NCOA1: variants seen among roughly 807,000 people sequenced by gnomAD.
The protein encoded by NCOA1 is nuclear receptor coactivator 1.
NCOA1 carries 35 observed loss-of-function variants against 150.9 expected under a neutral mutation model. That is an observed-to-expected ratio of 0.23 (90% confidence interval 0.18 to 0.31). The LOEUF (loss-of-function observed/expected upper bound fraction) is 0.31. Among genes scored for constraint, NCOA1 ranks in the 10% least tolerant of loss-of-function variants. NCOA1 has a pLI of 1.00. For synonymous variants in NCOA1, 590 were observed against 630.0 expected (o/e 0.94, Z 0.95); for missense variants, 1,491 against 1,749.3 (o/e 0.85, Z 2.63).
chr2:24,690,775 T>C (rs1300700268), intron 8 of NCOA1, among the ~76,000 whole-genome samples: 1 of 151,984 alleles, frequency 6.6e-6, no homozygotes, highest in Non-Finnish European at 1.5e-5. Flanking sequence ...GGTTTTTACT[T>C]GAAATAGATA....
At chr2:24,708,027 A>G (rs1673544267) in intron 13 of NCOA1, 139 bp downstream of exon 13, 1 of 1,080,646 alleles carries the variant, frequency 9.3e-7, no homozygotes, top group African/African-American at 1.6e-5. Flanking sequence ...GGTTAGTATC[A>G]ATAACTGATC....
intron 1 of NCOA1, among the ~76,000 whole-genome samples, chr2:24,515,928 C>T (rs139051763): frequency 6.6e-6 from 1 of 152,210 alleles, no homozygotes; most frequent in African/African-American, 2.4e-5. Context: ...AACAGAAGCC[C>T]TCAGTGAAGC....
chr2:24,577,215 C>T (rs1667025159), intron 2 of NCOA1, among the ~76,000 whole-genome samples: 1 of 146,240 alleles, frequency 6.8e-6, no homozygotes, highest in Non-Finnish European at 1.5e-5. Flanking sequence ...TCTTGCTTTT[C>T]TCTACTCAAA....
chr2:24,745,574 G>A (rs189513530), intron 19 of NCOA1, among the ~76,000 whole-genome samples: 492 of 152,268 alleles, frequency 3.2e-3, no homozygotes, highest in Middle Eastern at 6.8e-3. Flanking sequence ...CTTCTTTTCT[G>A]TGAACTACAA....
chr2:24,736,128 A>G (rs1287287003), intron 17 of NCOA1, among the ~76,000 whole-genome samples: 1 of 151,774 alleles, frequency 6.6e-6, no homozygotes, highest in African/African-American at 2.4e-5. Context: ...GGCTGAGACA[A>G]GAGAATCGCT....
chr2:24,662,208 A>G (rs369622991), intron 5 of NCOA1, among the ~76,000 whole-genome samples: 25 of 152,238 alleles, frequency 1.6e-4, no homozygotes, highest in East Asian at 5.8e-4. Flanking sequence ...AGCATTGTGC[A>G]CAGATCCTTG....
chr2:24,737,738 C>T (rs1663395546), intron 17 of NCOA1, among the ~76,000 whole-genome samples: 1 of 152,152 alleles, frequency 6.6e-6, no homozygotes, highest in African/African-American at 2.4e-5. Flanking sequence ...TAGATGTGTC[C>T]GTCTATGCAG....
Position 24,742,510 on chromosome 2 carries a change from G to A in NCOA1, c.3706+324G>A, listed in dbSNP as rs1482381963. On this transcript the variant is annotated intron_variant, in intron 19 of 22. Coordinates refer to ENST00000348332, the MANE Select transcript of NCOA1 (RefSeq NM_003743.5). ...TCGCTCTGTTGTCCAGGCTGGGAGTGCAATGGTGCAATCTCAGCTCACTGC... is the reference window on the plus strand; with the variant it reads ...TCGCTCTGTTGTCCAGGCTGGGAGTACAATGGTGCAATCTCAGCTCACTGC... Among the ~76,000 whole-genome samples, 3 of 151,736 alleles carry A rather than the reference G, an allele frequency of 2.0e-5. No individual in the cohort carries two copies. The East Asian group carries it at 5.8e-4, about 29-fold the overall frequency.
At chr2:24,656,690 G>A (rs1296151552) in intron 4 of NCOA1, among the ~76,000 whole-genome samples, 2 of 152,092 alleles carry the variant, frequency 1.3e-5, no homozygotes, top group Admixed American at 6.6e-5. Context: ...AACTTCTTTA[G>A]TTTACACATG....
intron 1 of NCOA1, among the ~76,000 whole-genome samples, chr2:24,518,816 A>G (rs1175016211): frequency 6.6e-6 from 1 of 152,186 alleles, no homozygotes; most frequent in Non-Finnish European, 1.5e-5. Flanking sequence ...TTCCCGAGAG[A>G]AATTAAGATA....
chr2:24,539,132 T>TCC (rs1273511237), intron 1 of NCOA1, among the ~76,000 whole-genome samples: 78 of 144,044 alleles, frequency 5.4e-4, no homozygotes, highest in Non-Finnish European at 5.3e-4. Context: ...GGTGAGTTTT[T>TCC]TCCCCCCCAT....
At chr2:24,617,890 C>T (rs751919877) in intron 3 of NCOA1, among the ~76,000 whole-genome samples, 11 of 151,500 alleles carry the variant, frequency 7.3e-5, no homozygotes, top group Non-Finnish European at 1.0e-4. Context: ...CACGCACACA[C>T]GCAGAAATAT....
In NCOA1 at chr2:24,707,221, A is replaced by T. The variant is rs1477768913; in HGVS notation, c.1751A>T (p.Asp584Val). ...NIQPAKAESK[D>V]NKEIASILNE... Reference sequence around the variant, plus strand: ...CAACCAGCAAAAGCTGAGTCCAAAGATAACAAAGAGATTGCCTCAATTTTA... The same window carrying T: ...CAACCAGCAAAAGCTGAGTCCAAAGTTAACAAAGAGATTGCCTCAATTTTA... The change falls in exon 13 of 23, where the codon GAT becomes GTT. Residue 584 changes from aspartate to valine, a missense_variant. By Grantham distance (152) the Asp-to-Val change is radical. Coordinates refer to ENST00000348332, the MANE Select transcript of NCOA1 (RefSeq NM_003743.5). The T allele has an allele frequency of 1.2e-6, 2 of 1,614,218 alleles. No individual in the cohort carries two copies. The highest frequency in any genetic ancestry group is 2.2e-5 in the East Asian group (1 of 44,896).
At chr2:24,561,732 C>T (rs574045960) in intron 1 of NCOA1, among the ~76,000 whole-genome samples, 8 of 152,002 alleles carry the variant, frequency 5.3e-5, no homozygotes, top group Non-Finnish European at 1.2e-4. Flanking sequence ...CATGAAATCA[C>T]CAGGAATACC....
At chr2:24,587,690 C>G (rs1667474663) in intron 3 of NCOA1, among the ~76,000 whole-genome samples, 1 of 152,124 alleles carries the variant, frequency 6.6e-6, no homozygotes, top group Non-Finnish European at 1.5e-5. Context: ...GTCTCTACTT[C>G]TACACTTTAT....
chr2:24,620,619 C>T (rs2148406318), intron 3 of NCOA1, among the ~76,000 whole-genome samples: 1 of 152,108 alleles, frequency 6.6e-6, no homozygotes, highest in East Asian at 1.9e-4. Flanking sequence ...AAAAACAAAA[C>T]AAAACTATTC....
chr2:24,594,029 T>A (rs1328446462), intron 3 of NCOA1, among the ~76,000 whole-genome samples: 1 of 152,146 alleles, frequency 6.6e-6, no homozygotes, highest in African/African-American at 2.4e-5. Flanking sequence ...AAGATCCTGA[T>A]ATTTGCCTCA....
intron 1 of NCOA1, among the ~76,000 whole-genome samples, chr2:24,545,278 C>T (rs1200239609): frequency 6.6e-6 from 1 of 152,040 alleles, no homozygotes; most frequent in Non-Finnish European, 1.5e-5. Flanking sequence ...AGAAAATATG[C>T]AAAATGCAAA....
At chr2:24,657,671 A>C (rs929812315) in intron 4 of NCOA1, among the ~76,000 whole-genome samples, 1 of 152,210 alleles carries the variant, frequency 6.6e-6, no homozygotes, top group East Asian at 1.9e-4. Context: ...ATACCAGTTA[A>C]AGCCATGTGA....
Sources: gnomAD v4.1 joint callset for allele counts (sites outside exome capture counted in the v4.1 genomes callset) on GRCh38, gnomAD v4.1.1 for gene constraint, MANE v1.5 for transcripts, NCBI Gene and HGNC (gene_info 2026-07-23, HGNC 2026-07-21) for gene names.